SOCS2: variants seen among roughly 807,000 people sequenced by gnomAD.
SOCS2 encodes the protein CIS-2.
SOCS2 carries 10 observed loss-of-function variants against 18.6 expected under a neutral mutation model. The observed-to-expected ratio is 0.54, with a 90% CI of 0.33 to 0.91. The LOEUF (loss-of-function observed/expected upper bound fraction) is 0.91, where lower values mean the gene tolerates loss of function less well. Ranked by LOEUF, SOCS2 falls within the 40% of genes least tolerant of loss-of-function variation. The probability of loss-of-function intolerance (pLI) is 0.02; values close to 1 mark genes in which losing one functional copy is unlikely to be tolerated. For synonymous variants in SOCS2, 104 were observed against 104.0 expected (o/e 1.00, Z 0.00); for missense variants, 231 against 247.2 (o/e 0.93, Z 0.44).
At chr12:93,604,209 A>T in the SOCS2 span, among the ~76,000 whole-genome samples, 2 of 151,956 alleles carry the variant, frequency 1.3e-5, no homozygotes, top group Middle Eastern at 6.8e-3. Context: ...AACAAAACAA[A>T]AAAAACAAGA....
the SOCS2 span, among the ~76,000 whole-genome samples, chr12:93,604,090 G>A: frequency 2.0e-5 from 3 of 152,076 alleles, no homozygotes; most frequent in African/African-American, 7.2e-5. Context: ...ACGTTGCGGT[G>A]TTGGCCTCTT....
At chr12:93,596,525 A>T in the SOCS2 span, among the ~76,000 whole-genome samples, 50 of 152,152 alleles carry the variant, frequency 3.3e-4, no homozygotes, top group Non-Finnish European at 5.0e-4. Context: ...GATCTCTTGA[A>T]TGTTCAAAGG....
At chr12:93,609,400 AAT>A in the SOCS2 span, among the ~76,000 whole-genome samples, 1 of 152,134 alleles carries the variant, frequency 6.6e-6, no homozygotes, top group Non-Finnish European at 1.5e-5. Flanking sequence ...CTCAAAAATA[AAT>A]AAGTAAATAA....
chr12:93,612,837 A>G, the SOCS2 span, among the ~76,000 whole-genome samples: 1 of 152,168 alleles, frequency 6.6e-6, no homozygotes, highest in Non-Finnish European at 1.5e-5. Flanking sequence ...TGTAACCCCT[A>G]CACGGGAATT....
the SOCS2 span, among the ~76,000 whole-genome samples, chr12:93,601,122 T>TA: frequency 3.7e-3 from 560 of 151,018 alleles, 4 homozygotes; most frequent in African/African-American, 0.013. Flanking sequence ...TTTTTTTTTT[T>TA]AAATATACCT....
Position 93,576,124 on chromosome 12 carries a change from C to T in SOCS2, c.*945C>T, listed in dbSNP as rs116657400. 1.2e-3 allele frequency: 188 copies of T among 152,694 alleles called. No homozygotes were observed. The highest frequency in any genetic ancestry group is 4.3e-3 in the African/African-American group (178 of 41,528). 9.5% of individuals were successfully genotyped at this position (152,694 alleles called of 1,614,324 possible). ...ATTTTCTTCCAGATACAGGGGGATA[C>T]CTGCCTGTTTTTCAAAGTGTTTATT... On this transcript the variant is annotated 3_prime_UTR_variant, in exon 2 of 2. Transcript: ENST00000551556.
the SOCS2 span, among the ~76,000 whole-genome samples, chr12:93,621,433 C>T: frequency 3.4e-4 from 51 of 152,230 alleles, 1 homozygote; most frequent in Non-Finnish European, 5.9e-4. Flanking sequence ...AGGTTCAAAT[C>T]CCTGCCCCAC....
At chr12:93,619,284 A>T in the SOCS2 span, among the ~76,000 whole-genome samples, 2 of 152,152 alleles carry the variant, frequency 1.3e-5, no homozygotes, top group Admixed American at 6.5e-5. Context: ...TTTCCTGGCC[A>T]AGCCCAACTG....
the SOCS2 span, among the ~76,000 whole-genome samples, chr12:93,591,543 G>A: frequency 6.6e-6 from 1 of 152,198 alleles, no homozygotes; most frequent in Admixed American, 6.5e-5. Flanking sequence ...TCTACGATGT[G>A]CACACACTGT....
At chr12:93,572,627 C>T (rs895096714), upstream of SOCS2, 22 of 669,666 alleles carry the variant, frequency 3.3e-5, no homozygotes, top group African/African-American at 1.8e-4. This position sits in a 1 kb window ranked among gnomAD's most constrained non-coding sequence, Gnocchi z 5.0. Context: ...TCCCCACCCC[C>T]ACCCCAGCCG....
At chr12:93,605,971 A>G in the SOCS2 span, among the ~76,000 whole-genome samples, 1 of 152,364 alleles carries the variant, frequency 6.6e-6, no homozygotes, top group East Asian at 1.9e-4. Flanking sequence ...TAAACAAGAT[A>G]GAATTTTATT....
downstream of SOCS2, among the ~76,000 whole-genome samples, chr12:93,579,002 T>G (rs1328587297): frequency 1.3e-5 from 2 of 152,254 alleles, no homozygotes; most frequent in Non-Finnish European, 2.9e-5. Context: ...TTGATCCACA[T>G]TAGTTTTTTG....
the SOCS2 span, among the ~76,000 whole-genome samples, chr12:93,595,414 G>A: frequency 0.026 from 3,952 of 152,080 alleles, 129 homozygotes; most frequent in African/African-American, 0.076. Flanking sequence ...ACCCTTCTTT[G>A]TTGTTCTGAT....
At chr12:93,610,528 A>G in the SOCS2 span, among the ~76,000 whole-genome samples, 1 of 152,202 alleles carries the variant, frequency 6.6e-6, no homozygotes, top group Non-Finnish European at 1.5e-5. Context: ...GTGTTCCTCC[A>G]AAGTCCATAT....
the SOCS2 span, among the ~76,000 whole-genome samples, chr12:93,614,543 CT>C: frequency 7.5e-5 from 2 of 26,738 alleles, no homozygotes; most frequent in South Asian, 1.6e-3. Flanking sequence ...TTCCTTCCTT[CT>C]TTCTTTCTTT....
At position 93,572,816 on chromosome 12, in the gene SOCS2, A is replaced by G; in HGVS notation, c.-82A>G. On this transcript the variant is annotated 5_prime_UTR_variant, in exon 1 of 2. Transcript: ENST00000551556. The surrounding 1 kb of genome is among the most constrained non-coding windows in gnomAD (Gnocchi z 5.0). ...CGCAGGGACTCGTTTTGGGATTCGC[A>G]CTGACTTCAAGGAAGGACGCGAACC... 6.5e-7 allele frequency: 1 copy of G among 1,536,230 alleles called. No homozygotes were observed. The highest frequency in any genetic ancestry group is 8.8e-7 in the Non-Finnish European group (1 of 1,134,778).
the SOCS2 span, among the ~76,000 whole-genome samples, chr12:93,597,603 G>A: frequency 5.9e-5 from 9 of 152,058 alleles, no homozygotes; most frequent in South Asian, 2.1e-4. Context: ...GGTGTGAGCC[G>A]CCATGCCCGA....
chr12:93,590,025 G>A, the SOCS2 span, among the ~76,000 whole-genome samples: 122 of 152,196 alleles, frequency 8.0e-4, no homozygotes, highest in Non-Finnish European at 1.2e-3. Context: ...AGGCCAAGGT[G>A]AGCGGATCAT....
chr12:93,588,487 G>C (rs1255139781), downstream of SOCS2, among the ~76,000 whole-genome samples: 1 of 152,108 alleles, frequency 6.6e-6, no homozygotes, highest in East Asian at 1.9e-4. Context: ...CACACCAGAG[G>C]ATGTGAGTCA....
Sources: allele counts gnomAD v4.1 joint callset (sites outside exome capture counted in the v4.1 genomes callset), GRCh38; gene constraint gnomAD v4.1.1; non-coding constraint Gnocchi (gnomAD v3.1); transcripts MANE v1.5; gene names NCBI Gene and HGNC (gene_info 2026-07-23, HGNC 2026-07-21).